BRAF: variants seen among roughly 807,000 people sequenced by gnomAD.
BRAF encodes the protein B-Raf proto-oncogene, serine/threonine kinase.
BRAF carries 16 observed loss-of-function variants against 104.6 expected under a neutral mutation model. That is an observed-to-expected ratio of 0.15 (90% CI 0.10 to 0.23). The LOEUF (loss-of-function observed/expected upper bound fraction) is 0.23, where lower values mean the gene tolerates loss of function less well. BRAF is among the 10% of genes least tolerant of loss of function. BRAF has a pLI of 1.00. For missense variants in BRAF, 541 were observed against 937.3 expected (o/e 0.58, Z 5.52); for synonymous variants, 310 against 341.6 (o/e 0.91, Z 1.02).
chr7:140,811,041 G>A (rs985206997), intron 3 of BRAF, among the ~76,000 whole-genome samples: 7 of 152,170 alleles, frequency 4.6e-5, no homozygotes, highest in African/African-American at 1.7e-4. Flanking sequence ...GGCAGAGTAA[G>A]TACATGTGTT....
chr7:140,865,355 CACACATGAG>C (rs1224593268), intron 1 of BRAF, among the ~76,000 whole-genome samples: 2 of 152,176 alleles, frequency 1.3e-5, no homozygotes, highest in Admixed American at 6.5e-5. Flanking sequence ...GCTGGGATTA[CACACATGAG>C]CCACTGCGCC....
At chr7:140,756,104 T>G (rs986474597) in intron 14 of BRAF, among the ~76,000 whole-genome samples, 5 of 151,850 alleles carry the variant, frequency 3.3e-5, no homozygotes, top group African/African-American at 1.2e-4. Flanking sequence ...GGAGAGAAAT[T>G]TTCTGACCAG....
At chr7:140,854,160 G>A (rs1206707816) in intron 1 of BRAF, among the ~76,000 whole-genome samples, 2 of 151,888 alleles carry the variant, frequency 1.3e-5, no homozygotes, top group Admixed American at 1.3e-4. Flanking sequence ...AGTAGAGATG[G>A]GGTTTTGCCA....
chr7:140,881,342 A>C (rs1812882725), intron 1 of BRAF, among the ~76,000 whole-genome samples: 1 of 152,208 alleles, frequency 6.6e-6, no homozygotes, highest in Non-Finnish European at 1.5e-5. Flanking sequence ...GACTTAAGGA[A>C]ATGTTGTGGC....
At chr7:140,784,363 C>T (rs1014603390) in intron 10 of BRAF, among the ~76,000 whole-genome samples, 4 of 152,080 alleles carry the variant, frequency 2.6e-5, no homozygotes, top group Admixed American at 2.6e-4. Context: ...CCATTTTCTA[C>T]CTTCCATTGA....
intron 2 of BRAF, among the ~76,000 whole-genome samples, chr7:140,849,208 TCTGA>T (rs1419168444): frequency 4.6e-5 from 7 of 151,942 alleles, no homozygotes; most frequent in Non-Finnish European, 8.8e-5. Context: ...GGCTGTGGAG[TCTGA>T]CTGACTACTT....
chr7:140,786,784 AT>A (rs1347672278), intron 9 of BRAF, among the ~76,000 whole-genome samples: 1 of 152,224 alleles, frequency 6.6e-6, no homozygotes, highest in Non-Finnish European at 1.5e-5. Flanking sequence ...GTTAAGTTTT[AT>A]CTGATTCTAA....
downstream of BRAF, among the ~76,000 whole-genome samples, chr7:140,715,965 G>A (rs558562473): frequency 1.1e-4 from 16 of 152,246 alleles, no homozygotes; most frequent in South Asian, 2.1e-4. Flanking sequence ...TGTTCTAGGC[G>A]GAGTCAGATG....
intron 17 of BRAF, chr7:140,747,349 A>G: frequency 8.1e-7 from 1 of 1,227,470 alleles, no homozygotes; most frequent in Non-Finnish European, 1.0e-6. Context: ...GAAAGAATTA[A>G]CTAGTAAAGG....
intron 3 of BRAF, among the ~76,000 whole-genome samples, chr7:140,815,374 T>G (rs1804761680): frequency 6.6e-6 from 1 of 151,644 alleles, no homozygotes; most frequent in Non-Finnish European, 1.5e-5. Flanking sequence ...CTCGATCTCC[T>G]GACCTCATGA....
At chr7:140,734,582 TCTCA>T (rs1796221839) in intron 19 of BRAF, 1 of 1,613,536 alleles carries the variant, frequency 6.2e-7, no homozygotes, top group East Asian at 2.2e-5. Context: ...TCCTGAACTC[TCTCA>T]CTCATTTGTT....
At chr7:140,849,881 T>C (rs1808973492) in intron 2 of BRAF, among the ~76,000 whole-genome samples, 1 of 152,116 alleles carries the variant, frequency 6.6e-6, no homozygotes, top group African/African-American at 2.4e-5. Flanking sequence ...TTGAAATTTA[T>C]ATCACTTCCC....
intron 3 of BRAF, among the ~76,000 whole-genome samples, chr7:140,809,956 G>A (rs1213704103): frequency 6.6e-6 from 1 of 152,192 alleles, no homozygotes; most frequent in African/African-American, 2.4e-5. Flanking sequence ...GCAAATCTGA[G>A]TTACTTGGAA....
At position 140,739,924 on chromosome 7, in the gene BRAF, C is replaced by A. The variant is rs1428696172; in HGVS notation, c.2135G>T (p.Gly712Val). Residue 712 changes from glycine to valine, a missense_variant, in exon 18 of 20, where the codon GGA becomes GTA. This residue lies in a region of BRAF where 129 missense variants were observed against 285.8 expected (regional missense o/e 0.45). Transcript: ENST00000644969. ...RDQIIFMVGR[G>V]YLSPDLSKVR... ...CTTACTGAGATCTGGAGACAGGTAT[C>A]CTCGTCCCACCATAAAAATTATCTG... The A allele has an allele frequency of 6.2e-7, 1 of 1,613,594 alleles. No homozygotes were observed. Among genetic ancestry groups the A allele is most frequent in the African/African-American group, 1.3e-5 (1 of 74,852 alleles).
chr7:140,757,192 G>A (rs539615432), intron 14 of BRAF, among the ~76,000 whole-genome samples: 11 of 152,086 alleles, frequency 7.2e-5, no homozygotes, highest in Admixed American at 7.2e-4. Flanking sequence ...GCACAAAAAG[G>A]ATTATATTCA....
At position 140,783,039 on chromosome 7, in the gene BRAF, T is replaced by C; in HGVS notation, c.1416A>G (p.Ser472=). 1 of 1,613,918 alleles carries C rather than the reference T, an allele frequency of 6.2e-7. No individual in the cohort carries two copies. Among genetic ancestry groups the C allele is most frequent in the Non-Finnish European group, 8.5e-7 (1 of 1,179,924 alleles). The change falls in exon 11 of 20, where the codon TCA becomes TCG. Residue 472 remains serine, a synonymous_variant. Coordinates refer to ENST00000644969, the MANE Select transcript of BRAF (RefSeq NM_001374258.1). ...CTCTTACCATTCGATTCCTGTCTTC[T>C]GAGGATGAAGATGACTTCCTTTCTC... ...PQRERKSSSS[S]EDRNRMKTLG...
intron 1 of BRAF, among the ~76,000 whole-genome samples, chr7:140,874,761 C>T (rs1194334032): frequency 1.3e-5 from 2 of 152,098 alleles, no homozygotes; most frequent in African/African-American, 2.4e-5. Context: ...TATGTCCCCA[C>T]CCAAATCTCA....
intron 6 of BRAF, among the ~76,000 whole-genome samples, chr7:140,800,731 T>C (rs1393665264): frequency 6.6e-6 from 1 of 152,222 alleles, no homozygotes; most frequent in Admixed American, 6.5e-5. Context: ...ATGAAAATCA[T>C]GCTTTATGGT....
intron 1 of BRAF, among the ~76,000 whole-genome samples, chr7:140,871,985 G>A (rs1254818027): frequency 1.3e-5 from 2 of 152,020 alleles, no homozygotes; most frequent in Non-Finnish European, 2.9e-5. Context: ...GGGAGGCCGC[G>A]GCAGGTGGAT....
Sources: allele counts gnomAD v4.1 joint callset (sites outside exome capture counted in the v4.1 genomes callset), GRCh38; gene constraint gnomAD v4.1.1; regional missense constraint gnomAD v4.1.1; transcripts MANE v1.5; gene names NCBI Gene and HGNC (gene_info 2026-07-23, HGNC 2026-07-21).